CSMD1: variants seen among roughly 807,000 people sequenced by gnomAD.
CSMD1 encodes CUB and Sushi multiple domains 1.
In CSMD1, 213 loss-of-function variants were observed where a neutral mutation model predicts 417.5. The ratio of observed to expected loss-of-function variants is 0.51; its 90% CI spans 0.46 to 0.57. The LOEUF (loss-of-function observed/expected upper bound fraction) is 0.57. Among genes scored for constraint, CSMD1 ranks in the 20% least tolerant of loss-of-function variants. The probability of loss-of-function intolerance (pLI) is 0.00; values close to 1 mark genes in which losing one functional copy is unlikely to be tolerated. For synonymous variants in CSMD1, 2,862 were observed against 1,736.8 expected (o/e 1.65, Z -16.11); for missense variants, 6,923 against 4,529.7 (o/e 1.53, Z -15.17).
At chr8:3,925,012 A>G (rs955302274) in intron 5 of CSMD1, among the ~76,000 whole-genome samples, 3 of 152,120 alleles carry the variant, frequency 2.0e-5, no homozygotes, top group Non-Finnish European at 4.4e-5. Context: ...GGTAAGAGAA[A>G]GACTTTAAAT....
chr8:4,326,513 G>A (rs748711751), intron 3 of CSMD1, among the ~76,000 whole-genome samples: 11 of 152,164 alleles, frequency 7.2e-5, no homozygotes, highest in Non-Finnish European at 1.5e-4. Flanking sequence ...GTCCATAAAC[G>A]AGAGGTAGTG....
chr8:3,774,178 G>A (rs1798774924), intron 5 of CSMD1, among the ~76,000 whole-genome samples: 1 of 152,100 alleles, frequency 6.6e-6, no homozygotes, highest in Non-Finnish European at 1.5e-5. Context: ...TTTGTGACCT[G>A]CACCGCCTGA....
chr8:3,476,986 G>A (rs1369474714), intron 11 of CSMD1, among the ~76,000 whole-genome samples: 1 of 151,840 alleles, frequency 6.6e-6, no homozygotes, highest in African/African-American at 2.4e-5. Flanking sequence ...TCAACACAAA[G>A]GGATACTACA....
At chr8:4,530,340 T>TTTTTTTTTTTTTTTTC (rs1296968153) in intron 2 of CSMD1, among the ~76,000 whole-genome samples, 1 of 143,366 alleles carries the variant, frequency 7.0e-6, no homozygotes, top group East Asian at 2.1e-4. Flanking sequence ...TTTTTTTTTT[T>TTTTTTTTTTTTTTTTC]TTTTACTTTC....
At chr8:4,189,672 T>C (rs1411910947) in intron 3 of CSMD1, among the ~76,000 whole-genome samples, 2 of 152,192 alleles carry the variant, frequency 1.3e-5, no homozygotes, top group Admixed American at 1.3e-4. Context: ...TATCATGGAA[T>C]GCATTTGAAC....
At chr8:4,083,966 G>C (rs1187667042) in intron 3 of CSMD1, among the ~76,000 whole-genome samples, 4 of 151,988 alleles carry the variant, frequency 2.6e-5, no homozygotes, top group African/African-American at 9.7e-5. Context: ...CTAATATCCA[G>C]AATCTACAAT....
intron 1 of CSMD1, among the ~76,000 whole-genome samples, chr8:4,850,380 ATC>A (rs1491469490): frequency 1.2e-5 from 1 of 82,790 alleles, no homozygotes; most frequent in African/African-American, 4.9e-5. Flanking sequence ...AATCCAATTT[ATC>A]TTTTTTTTTT....
intron 3 of CSMD1, among the ~76,000 whole-genome samples, chr8:4,189,320 C>G (rs866518377): frequency 6.6e-6 from 1 of 152,088 alleles, no homozygotes; most frequent in East Asian, 1.9e-4. Context: ...CAAGATGAAG[C>G]CTGGTGCCAA....
chr8:4,415,193 C>T (rs941108252), intron 3 of CSMD1, among the ~76,000 whole-genome samples: 12 of 152,092 alleles, frequency 7.9e-5, no homozygotes, highest in Admixed American at 7.9e-4. Flanking sequence ...TCCAGAGAAC[C>T]CAGGCTCAGG....
At chr8:4,316,668 C>G (rs1051721891) in intron 3 of CSMD1, among the ~76,000 whole-genome samples, 3 of 151,942 alleles carry the variant, frequency 2.0e-5, no homozygotes, top group African/African-American at 2.4e-5. Flanking sequence ...ATGAAGGACT[C>G]AAATGCAAAC....
chr8:4,106,027 A>G (rs755134397), intron 3 of CSMD1, among the ~76,000 whole-genome samples: 1 of 152,222 alleles, frequency 6.6e-6, no homozygotes, highest in Non-Finnish European at 1.5e-5. Context: ...CACCATCTCC[A>G]CTGCATCAAG....
chr8:4,636,906 ACACCAATCAGCGCTCTGTAAAATG>A (rs1026029887), intron 2 of CSMD1, among the ~76,000 whole-genome samples: 23 of 152,084 alleles, frequency 1.5e-4, no homozygotes, highest in Admixed American at 9.8e-4. Context: ...TCTGTAAAAC[ACACCAATCAGCGCTCTGTAAAATG>A]CACCAATCAG....
At chr8:3,796,846 G>T (rs73500769) in intron 5 of CSMD1, among the ~76,000 whole-genome samples, 4,603 of 151,438 alleles carry the variant, frequency 0.03, 238 homozygotes, top group African/African-American at 0.1. Context: ...CTAGGCAATT[G>T]TCAACATTTC....
intron 50 of CSMD1, among the ~76,000 whole-genome samples, chr8:3,030,511 C>T (rs1189115092): frequency 2.6e-5 from 4 of 151,864 alleles, no homozygotes; most frequent in Admixed American, 1.3e-4. Flanking sequence ...CTCTGTCTCC[C>T]AGGCTGCCAG....
intron 26 of CSMD1, among the ~76,000 whole-genome samples, chr8:3,244,935 C>T (rs1162673674): frequency 2.6e-5 from 4 of 152,134 alleles, no homozygotes; most frequent in East Asian, 1.9e-4. Context: ...TGACTCCCTT[C>T]GGGAACATGT....
At chr8:4,199,475 A>T (rs1427147504) in intron 3 of CSMD1, among the ~76,000 whole-genome samples, 3 of 152,206 alleles carry the variant, frequency 2.0e-5, no homozygotes, top group African/African-American at 7.2e-5. Flanking sequence ...CTCCAATTAA[A>T]AAGGCAAATA....
At chr8:3,630,182 G>T (rs1264332371) in intron 7 of CSMD1, among the ~76,000 whole-genome samples, 2 of 152,218 alleles carry the variant, frequency 1.3e-5, no homozygotes, top group Non-Finnish European at 2.9e-5. Flanking sequence ...GTACAGGCAG[G>T]CTCTCCGTCA....
chr8:4,891,827 A>C (rs1251426165), intron 1 of CSMD1, among the ~76,000 whole-genome samples: 1 of 152,150 alleles, frequency 6.6e-6, no homozygotes, highest in Non-Finnish European at 1.5e-5. Flanking sequence ...CATTTACATT[A>C]TTTGTGTAGA....
At chr8:3,782,465 G>A (rs951032481) in intron 5 of CSMD1, among the ~76,000 whole-genome samples, 1 of 152,178 alleles carries the variant, frequency 6.6e-6, no homozygotes, top group Non-Finnish European at 1.5e-5. Flanking sequence ...CGCATAACAT[G>A]TATAGATAAT....
Sources: allele counts gnomAD v4.1 joint callset (sites outside exome capture counted in the v4.1 genomes callset), GRCh38; gene constraint gnomAD v4.1.1; transcripts MANE v1.5; gene names NCBI Gene and HGNC (gene_info 2026-07-23, HGNC 2026-07-21).